Variants in EPHA6 observed in about 807,000 individuals in gnomAD.
The protein encoded by EPHA6 is EPH receptor A6, also known as ephrin type-A receptor 6.
EPHA6 carries 50 observed loss-of-function variants against 112.0 expected under a neutral mutation model. That is an observed-to-expected ratio of 0.45 (90% CI 0.36 to 0.56). The LOEUF (loss-of-function observed/expected upper bound fraction) is 0.56, where lower values mean the gene tolerates loss of function less well. EPHA6 is among the 20% of genes least tolerant of loss of function. EPHA6 has a pLI of 0.00. For missense variants in EPHA6, 1,280 were observed against 1,417.4 expected, an observed-to-expected ratio of 0.90 and a Z score of 1.56; for synonymous variants, 529 against 490.7, an observed-to-expected ratio of 1.08 and a Z score of -1.03.
intron 10 of EPHA6, among the ~76,000 whole-genome samples, chr3:97,524,275 T>A (rs369255048): frequency 2.0e-5 from 3 of 152,054 alleles, no homozygotes; most frequent in Non-Finnish European, 4.4e-5. Flanking sequence ...ATTATAGTTA[T>A]CATGAGGCTT....
At chr3:97,683,544 A>C (rs1381054833) in intron 14 of EPHA6, among the ~76,000 whole-genome samples, 1 of 152,118 alleles carries the variant, frequency 6.6e-6, no homozygotes, top group African/African-American at 2.4e-5. Flanking sequence ...AAACCTTACA[A>C]TTTTACAGAG....
rs540151927 is a variant in EPHA6 at position 97,612,112 on chromosome 3, T to C, written c.2574+1258T>C. On this transcript the variant is annotated intron_variant, in intron 13 of 17. Transcript: ENST00000389672. ...TTGGGGACATGAACTGTTTGTTCTT[T>C]TCTGTAGCCATTCTAAAAATGTGTT... 3.9e-5 allele frequency among the ~76,000 whole-genome samples: 6 copies of C among 152,174 alleles called. No individual in the cohort carries two copies. The East Asian group carries it at 7.7e-4, about 20-fold the overall frequency.
chr3:96,943,921 A>C (rs149848046), intron 2 of EPHA6, among the ~76,000 whole-genome samples: 1 of 152,328 alleles, frequency 6.6e-6, no homozygotes, highest in Non-Finnish European at 1.5e-5. Flanking sequence ...ATGTAAGATG[A>C]GTTTTGCAAT....
chr3:97,067,581 A>G (rs1026812644), intron 3 of EPHA6, among the ~76,000 whole-genome samples: 2 of 151,866 alleles, frequency 1.3e-5, no homozygotes, highest in Admixed American at 1.3e-4. Flanking sequence ...TAGTAGGATA[A>G]AATAGGGAGC....
At chr3:97,150,719 T>C (rs1169761564) in intron 3 of EPHA6, among the ~76,000 whole-genome samples, 1 of 152,162 alleles carries the variant, frequency 6.6e-6, no homozygotes, top group Non-Finnish European at 1.5e-5. Context: ...GAAAGCAGTA[T>C]AAATCTCAGT....
At chr3:97,426,273 A>G (rs1024760715) in intron 6 of EPHA6, among the ~76,000 whole-genome samples, 1 of 152,220 alleles carries the variant, frequency 6.6e-6, no homozygotes, top group Admixed American at 6.5e-5. Flanking sequence ...AGGCCTCACA[A>G]TCATGGTGGA....
chr3:97,139,865 A>G (rs1170102518), intron 3 of EPHA6, among the ~76,000 whole-genome samples: 1 of 152,186 alleles, frequency 6.6e-6, no homozygotes, highest in East Asian at 1.9e-4. Context: ...ACGAATTCCA[A>G]ATATGAATTG....
At chr3:97,741,058 A>C (rs1182858587) in intron 16 of EPHA6, among the ~76,000 whole-genome samples, 1 of 152,128 alleles carries the variant, frequency 6.6e-6, no homozygotes, top group African/African-American at 2.4e-5. Flanking sequence ...CCATTAGAAA[A>C]ATCTAAATTC....
intron 3 of EPHA6, among the ~76,000 whole-genome samples, chr3:97,167,015 C>T (rs774697676): frequency 6.6e-6 from 1 of 152,032 alleles, no homozygotes. Context: ...CAAGATACAC[C>T]GTGGAATATT....
At chr3:97,747,639 A>G (rs1042058435) in intron 17 of EPHA6, 67 bp downstream of exon 17, 14 of 1,372,580 alleles carry the variant, frequency 1.0e-5, no homozygotes, top group Non-Finnish European at 1.2e-5. Flanking sequence ...CAAATGCTGT[A>G]TCAAGAACAC....
chr3:97,227,277 G>T (rs989176637), intron 4 of EPHA6, among the ~76,000 whole-genome samples: 1 of 151,252 alleles, frequency 6.6e-6, no homozygotes, highest in Non-Finnish European at 1.5e-5. Context: ...CTGGAGTGCA[G>T]TGGCATGATC....
intron 5 of EPHA6, among the ~76,000 whole-genome samples, chr3:97,294,927 T>C (rs1440023311): frequency 6.6e-6 from 1 of 152,130 alleles, no homozygotes; most frequent in Admixed American, 6.5e-5. Context: ...GCCTATAAGG[T>C]TTCTTTAGAG....
intron 6 of EPHA6, among the ~76,000 whole-genome samples, chr3:97,434,973 G>A (rs76400458): frequency 0.13 from 18,572 of 141,886 alleles, 3,665 homozygotes; most frequent in African/African-American, 0.42. Context: ...CTTCCACATA[G>A]CGTTGCAGTC....
chr3:97,258,137 A>C (rs965766123), intron 5 of EPHA6, among the ~76,000 whole-genome samples: 1 of 152,062 alleles, frequency 6.6e-6, no homozygotes, highest in African/African-American at 2.4e-5. Flanking sequence ...TCTATTGGAC[A>C]GTCAACAAAT....
At chr3:97,293,359 G>A (rs1237681140) in intron 5 of EPHA6, among the ~76,000 whole-genome samples, 2 of 151,908 alleles carry the variant, frequency 1.3e-5, no homozygotes, top group South Asian at 2.1e-4. Flanking sequence ...TGGCAGGCAG[G>A]TCATCCTGGC....
intron 5 of EPHA6, among the ~76,000 whole-genome samples, chr3:97,386,439 A>G (rs1339308410): frequency 6.6e-6 from 1 of 152,160 alleles, no homozygotes; most frequent in African/African-American, 2.4e-5. Flanking sequence ...GAAGTTCAAA[A>G]TCCAATAGGG....
At chr3:97,631,803 A>G (rs576049811) in intron 13 of EPHA6, among the ~76,000 whole-genome samples, 1 of 152,108 alleles carries the variant, frequency 6.6e-6, no homozygotes, top group Admixed American at 6.6e-5. Context: ...CATCATATTT[A>G]ACCTTTTAAG....
chr3:97,023,041 G>A (rs191679207), intron 3 of EPHA6, among the ~76,000 whole-genome samples: 6 of 152,158 alleles, frequency 3.9e-5, no homozygotes, highest in East Asian at 1.9e-4. Context: ...CTTTCATGCC[G>A]GGGCAGCAAT....
intron 11 of EPHA6, among the ~76,000 whole-genome samples, chr3:97,539,851 T>A (rs1476657253): frequency 6.6e-6 from 1 of 152,172 alleles, no homozygotes; most frequent in Admixed American, 6.6e-5. Flanking sequence ...AGGATTGAGA[T>A]GCTTGTGAAT....
Sources: allele counts gnomAD v4.1 joint callset (sites outside exome capture counted in the v4.1 genomes callset), GRCh38; gene constraint gnomAD v4.1.1; transcripts MANE v1.5; gene names NCBI Gene and HGNC (gene_info 2026-07-23, HGNC 2026-07-21).